TENM2: variants seen among roughly 807,000 people sequenced by gnomAD.
TENM2 encodes the protein teneurin-2.
A neutral mutation model predicts 245.2 loss-of-function variants in TENM2; 52 were observed. The observed-to-expected ratio is 0.21, with a 90% CI of 0.17 to 0.27. The LOEUF is 0.27. Among genes scored for constraint, TENM2 ranks in the 10% least tolerant of loss-of-function variants. The probability of loss-of-function intolerance (pLI) is 1.00; values close to 1 mark genes in which losing one functional copy is unlikely to be tolerated. For missense variants in TENM2, 3,046 were observed against 3,666.8 expected (o/e 0.83, Z 4.37); for synonymous variants, 1,363 against 1,438.9 (o/e 0.95, Z 1.19).
At chr5:168,179,463 G>A (rs1323967014) in intron 13 of TENM2, among the ~76,000 whole-genome samples, 2 of 152,204 alleles carry the variant, frequency 1.3e-5, no homozygotes, top group African/African-American at 2.4e-5. Context: ...CAGAGGGCTG[G>A]CCAAAACATT....
rs569004625 is a variant in TENM2 at position 167,649,193 on chromosome 5, G to C, written c.503-226793G>C. On this transcript the variant is annotated intron_variant, in intron 2 of 28. Transcript: ENST00000518659. ...TTTTTCTGAGCAACACCTGAGTAGTGCTACCATCTCTTGCAACACAACCTT... is the reference window on the plus strand; with the variant it reads ...TTTTTCTGAGCAACACCTGAGTAGTCCTACCATCTCTTGCAACACAACCTT... Among the ~76,000 whole-genome samples the C allele has an allele frequency of 2.0e-5, 3 of 152,254 alleles. No homozygotes were observed. The East Asian group carries it at 5.8e-4, about 29-fold the overall frequency.
At chr5:167,881,783 C>A (rs888967987) in intron 3 of TENM2, among the ~76,000 whole-genome samples, 2 of 152,182 alleles carry the variant, frequency 1.3e-5, no homozygotes. Flanking sequence ...GTGGAGGTCA[C>A]AGAAACAGCC....
chr5:167,791,050 C>G (rs1764919859), intron 2 of TENM2, among the ~76,000 whole-genome samples: 1 of 152,156 alleles, frequency 6.6e-6, no homozygotes, highest in South Asian at 2.1e-4. Context: ...GTTTCTATTT[C>G]TCTGTATCTC....
At chr5:167,926,763 C>A (rs1035864606) in intron 3 of TENM2, among the ~76,000 whole-genome samples, 51 of 145,012 alleles carry the variant, frequency 3.5e-4, no homozygotes, top group African/African-American at 1.3e-3. Context: ...CACACACACA[C>A]AAGACCTTAG....
chr5:168,254,153 C>T (rs1767418952), intron 27 of TENM2, among the ~76,000 whole-genome samples: 1 of 152,230 alleles, frequency 6.6e-6, no homozygotes, highest in Admixed American at 6.5e-5. Flanking sequence ...CGCGCTTTGG[C>T]GGTGGATAAT....
chr5:167,279,742 A>G, the TENM2 span, among the ~76,000 whole-genome samples: 1 of 151,992 alleles, frequency 6.6e-6, no homozygotes, highest in Non-Finnish European at 1.5e-5. Context: ...GGTCTTCTTT[A>G]CATCTTCTAT....
chr5:167,797,870 A>G (rs1765431234), intron 2 of TENM2, among the ~76,000 whole-genome samples: 2 of 152,198 alleles, frequency 1.3e-5, no homozygotes. Context: ...AATCTTTTGA[A>G]GTAGTTTAAG....
At chr5:167,709,381 C>T (rs994506108) in intron 2 of TENM2, among the ~76,000 whole-genome samples, 22 of 152,166 alleles carry the variant, frequency 1.4e-4, no homozygotes, top group African/African-American at 5.1e-4. Context: ...TCATGTAATC[C>T]CTCCAGTGCA....
At chr5:167,954,211 A>G (rs1667391878) in intron 4 of TENM2, among the ~76,000 whole-genome samples, 1 of 152,164 alleles carries the variant, frequency 6.6e-6, no homozygotes, top group African/African-American at 2.4e-5. Context: ...AAACAAACAC[A>G]CACACAGGCT....
intron 2 of TENM2, among the ~76,000 whole-genome samples, chr5:167,684,500 T>C (rs1756946490): frequency 6.6e-6 from 1 of 152,200 alleles, no homozygotes; most frequent in South Asian, 2.1e-4. Context: ...TAAAGAAATC[T>C]TGTGCTCTCA....
the TENM2 span, among the ~76,000 whole-genome samples, chr5:167,128,199 C>T: frequency 6.6e-6 from 1 of 152,064 alleles, no homozygotes. Context: ...ATGCTTGGTT[C>T]AGGGCTATCC....
intron 2 of TENM2, among the ~76,000 whole-genome samples, chr5:167,508,227 A>G (rs1242088047): frequency 6.6e-6 from 1 of 152,170 alleles, no homozygotes; most frequent in Non-Finnish European, 1.5e-5. Flanking sequence ...GGTGAATGAC[A>G]TTAAAAAAGC....
chr5:167,618,359 C>T (rs1360853537), intron 2 of TENM2, among the ~76,000 whole-genome samples: 1 of 152,044 alleles, frequency 6.6e-6, no homozygotes, highest in Non-Finnish European at 1.5e-5. Context: ...CCCTCCCATT[C>T]AGGCTTGTGC....
the TENM2 span, among the ~76,000 whole-genome samples, chr5:167,122,680 A>T: frequency 6.6e-6 from 1 of 152,208 alleles, no homozygotes; most frequent in East Asian, 1.9e-4. Context: ...GTAGATTTGG[A>T]GGTCAGCATC....
In TENM2 at chr5:168,249,537, T is replaced by C. The variant is rs115774598; in HGVS notation, c.7432+1166T>C. Among the ~76,000 whole-genome samples, 1,255 of 151,938 alleles carry C rather than the reference T, an allele frequency of 8.3e-3. 19 individuals are homozygous for C. The highest frequency in any genetic ancestry group is 0.028 in the African/African-American group (1,171 of 41,348). ...TAATACAGAAGGGCTCATGTCAAAA[T>C]GGGCCTGAAGAATTCATGGGACCTT... On this transcript the variant is annotated intron_variant, in intron 27 of 28. Transcript: ENST00000518659.
At chr5:167,666,005 TG>T (rs906038140) in intron 2 of TENM2, among the ~76,000 whole-genome samples, 4 of 152,196 alleles carry the variant, frequency 2.6e-5, no homozygotes, top group African/African-American at 7.2e-5. Context: ...AAATGCTTTG[TG>T]TGGTTTTCTA....
chr5:167,903,220 AT>A (rs1028057204), intron 3 of TENM2, among the ~76,000 whole-genome samples: 1 of 152,224 alleles, frequency 6.6e-6, no homozygotes, highest in Admixed American at 6.5e-5. Flanking sequence ...TCAGCTAATA[AT>A]AATTGTACAC....
chr5:167,720,716 C>T (rs1188011917), intron 2 of TENM2, among the ~76,000 whole-genome samples: 2 of 152,158 alleles, frequency 1.3e-5, no homozygotes, highest in Non-Finnish European at 2.9e-5. Context: ...ATAATATATA[C>T]TCGTGGTTGA....
At chr5:168,251,459 T>C (rs534300785) in intron 27 of TENM2, among the ~76,000 whole-genome samples, 136 of 152,160 alleles carry the variant, frequency 8.9e-4, no homozygotes, top group Non-Finnish European at 1.0e-3. Context: ...AAGGGTGGTG[T>C]CAGAGAAGCG....
Sources: allele counts gnomAD v4.1 joint callset (sites outside exome capture counted in the v4.1 genomes callset), GRCh38; gene constraint gnomAD v4.1.1; transcripts MANE v1.5; gene names NCBI Gene and HGNC (gene_info 2026-07-23, HGNC 2026-07-21).